BCAS3: variants seen among roughly 807,000 people sequenced by gnomAD.
BCAS3 encodes BCAS4/BCAS3 fusion.
BCAS3 carries 53 observed loss-of-function variants against 116.1 expected under a neutral mutation model. The observed-to-expected ratio is 0.46, with a 90% CI of 0.37 to 0.57. The LOEUF (loss-of-function observed/expected upper bound fraction) is 0.57, where lower values mean the gene tolerates loss of function less well. BCAS3 is among the 20% of genes least tolerant of loss of function. The pLI is 0.00. For missense variants in BCAS3, 917 were observed against 1,165.4 expected (o/e 0.79, Z 3.10); for synonymous variants, 391 against 408.2 (o/e 0.96, Z 0.51).
At chr17:61,163,917 C>T (rs1439398095) in intron 22 of BCAS3, among the ~76,000 whole-genome samples, 1 of 150,630 alleles carries the variant, frequency 6.6e-6, no homozygotes, top group Non-Finnish European at 1.5e-5. Flanking sequence ...TTCTCCTCTG[C>T]CTCTGGGAGG....
intron 7 of BCAS3, among the ~76,000 whole-genome samples, chr17:60,858,035 T>A (rs1487966127): frequency 1.3e-5 from 2 of 152,118 alleles, no homozygotes; most frequent in Non-Finnish European, 2.9e-5. Context: ...GAGCTCCTAA[T>A]TGAAGGCGAC....
chr17:60,764,649 G>A (rs961762610), intron 6 of BCAS3, among the ~76,000 whole-genome samples: 4 of 152,182 alleles, frequency 2.6e-5, no homozygotes, highest in Non-Finnish European at 4.4e-5. Flanking sequence ...GTGCGATGTG[G>A]TGCTGAGAAC....
At position 61,282,040 on chromosome 17, in the gene BCAS3, A is replaced by G. The variant is rs1268731078; in HGVS notation, c.2426-86287A>G. Reference sequence around the variant, plus strand: ...CAGAAGACCTCATTGACAACTAACTATAACACATTCAAACTAGTTACTAGG... The same window carrying G: ...CAGAAGACCTCATTGACAACTAACTGTAACACATTCAAACTAGTTACTAGG... On this transcript the variant is annotated intron_variant, in intron 22 of 23. Transcript: ENST00000407086. This position sits in a 1 kb window ranked among gnomAD's most constrained non-coding sequence, Gnocchi z 5.9. Among the ~76,000 whole-genome samples, 1 of 152,230 alleles carries G rather than the reference A, an allele frequency of 6.6e-6. No individual in the cohort carries two copies. The highest frequency in any genetic ancestry group is 6.5e-5 in the Admixed American group (1 of 15,272).
chr17:61,184,813 C>G (rs1000916755), intron 22 of BCAS3, among the ~76,000 whole-genome samples: 31 of 151,884 alleles, frequency 2.0e-4, no homozygotes, highest in African/African-American at 7.5e-4. Context: ...AAGCATTGTG[C>G]TAAGTGAAAA....
rs75235682 is a variant in BCAS3 at position 61,309,688 on chromosome 17, T to A, written c.2426-58639T>A. ...TCCAGAAGGCACTGTGAGCAAAGCC[T>A]GGAACTGGAGAGATGACCCAGGGTC... is the stretch of plus-strand genomic sequence containing the variant. On this transcript the variant is annotated intron_variant, in intron 22 of 23. Coordinates refer to ENST00000407086, the MANE Select transcript of BCAS3 (RefSeq NM_017679.5). This position sits in a 1 kb window ranked among gnomAD's most constrained non-coding sequence, Gnocchi z 4.6. 2.7e-3 allele frequency among the ~76,000 whole-genome samples: 412 copies of A among 152,296 alleles called. 3 individuals are homozygous for A. Among genetic ancestry groups the A allele is most frequent in the African/African-American group, 9.5e-3 (395 of 41,550 alleles).
chr17:60,714,546 TG>T (rs1432801823), intron 5 of BCAS3, among the ~76,000 whole-genome samples: 1 of 151,916 alleles, frequency 6.6e-6, no homozygotes, highest in Non-Finnish European at 1.5e-5. Context: ...CCAGCTACTT[TG>T]GAGGCTGAGG....
rs145689310 is a variant in BCAS3, at chr17:61,098,940, C to T, written c.2425+14376C>T. Among the ~76,000 whole-genome samples the T allele has an allele frequency of 6.8e-4, 104 of 152,014 alleles. No homozygotes were observed. The East Asian group carries it at 0.014, about 21-fold the overall frequency. Reference sequence around the variant, plus strand: ...GAGATCGAGATCATCCTGGCTAACACGGTGAAACCCCATCTCTACTAAAAA... The same window carrying T: ...GAGATCGAGATCATCCTGGCTAACATGGTGAAACCCCATCTCTACTAAAAA... On this transcript the variant is annotated intron_variant, in intron 22 of 23. Transcript: ENST00000407086. This position sits in a 1 kb window ranked among gnomAD's most constrained non-coding sequence, Gnocchi z 4.2.
At chr17:60,905,098 C>G (rs1249899483) in intron 11 of BCAS3, among the ~76,000 whole-genome samples, 4 of 152,022 alleles carry the variant, frequency 2.6e-5, no homozygotes, top group Non-Finnish European at 5.9e-5. Flanking sequence ...TGCAGAAAAA[C>G]AGCATTATAT....
In BCAS3 at chr17:61,118,039, T is replaced by TTTGTTATGATATCTTG. The variant is rs1297114505; in HGVS notation, c.2425+33476_2425+33491dup. Among the ~76,000 whole-genome samples, 2 of 152,218 alleles carry TTTGTTATGATATCTTG rather than the reference T, an allele frequency of 1.3e-5. No homozygotes were observed. The highest frequency in any genetic ancestry group is 4.8e-5 in the African/African-American group (2 of 41,448). On this transcript the variant is annotated intron_variant, in intron 22 of 23. Coordinates refer to ENST00000407086, the MANE Select transcript of BCAS3 (RefSeq NM_017679.5). The surrounding 1 kb of genome is among the most constrained non-coding windows in gnomAD (Gnocchi z 5.0). ...ATATCTATTGATTGTCTTTTTTTCA[T>TTTGTTATGATATCTTG]TTGTTATGATATCTTGCTGGCTGGA...
chr17:60,892,940 TA>T (rs1193268645), intron 10 of BCAS3, among the ~76,000 whole-genome samples: 1 of 151,860 alleles, frequency 6.6e-6, no homozygotes, highest in Non-Finnish European at 1.5e-5. Context: ...AAAATAAAAA[TA>T]AAAAGTCGTT....
At chr17:60,924,352 C>T (rs1444150738) in intron 12 of BCAS3, 55 bp from the exon 13 acceptor site, 1 of 1,495,338 alleles carries the variant, frequency 6.7e-7, no homozygotes, top group Non-Finnish European at 9.3e-7. Context: ...AGGCTTCAAG[C>T]TCGGTTATCA....
chr17:60,754,198 C>T (rs112366627), intron 6 of BCAS3, among the ~76,000 whole-genome samples: 6,613 of 151,884 alleles, frequency 0.044, 528 homozygotes, highest in African/African-American at 0.15. Context: ...CCATACCTGA[C>T]TTCTTTTTTT....
intron 22 of BCAS3, among the ~76,000 whole-genome samples, chr17:61,271,587 CTCTGTGTGTG>C (rs2050273831): frequency 9.3e-6 from 1 of 107,376 alleles, no homozygotes; most frequent in African/African-American, 3.8e-5. Flanking sequence ...TCACGCCCAG[CTCTGTGTGTG>C]TGTGTGTGTG....
At chr17:60,791,560 G>A (rs1391576953) in intron 6 of BCAS3, among the ~76,000 whole-genome samples, 5 of 151,966 alleles carry the variant, frequency 3.3e-5, no homozygotes, top group African/African-American at 9.7e-5. Context: ...AGGCTGATGA[G>A]GAAGTATCAT....
rs1478207937 is a variant in BCAS3 at position 61,332,720 on chromosome 17, A to C, written c.2426-35607A>C. 1.3e-5 allele frequency among the ~76,000 whole-genome samples: 2 copies of C among 152,098 alleles called. No homozygotes were observed. The highest frequency in any genetic ancestry group is 1.3e-4 in the Admixed American group (2 of 15,272). On this transcript the variant is annotated intron_variant, in intron 22 of 23. Coordinates refer to ENST00000407086, the MANE Select transcript of BCAS3 (RefSeq NM_017679.5). The surrounding 1 kb of genome is among the most constrained non-coding windows in gnomAD (Gnocchi z 5.4). ...AGCCTCCACCTCCCAGGTTCAAGCC[A>C]TTCTCCTGCCTCAGCTTCCTGAATA... is the stretch of plus-strand genomic sequence containing the variant.
At chr17:60,768,391 A>G (rs1371589600) in intron 6 of BCAS3, among the ~76,000 whole-genome samples, 1 of 152,166 alleles carries the variant, frequency 6.6e-6, no homozygotes, top group Non-Finnish European at 1.5e-5. Context: ...GCTAGAATAT[A>G]AAGCAGGCAG....
At chr17:60,984,048 A>G (rs918220287) in intron 14 of BCAS3, among the ~76,000 whole-genome samples, 2 of 152,202 alleles carry the variant, frequency 1.3e-5, no homozygotes, top group African/African-American at 2.4e-5. Context: ...TGGAATAACT[A>G]TTTATCTGAA....
chr17:60,914,475 G>A (rs1233303561), intron 12 of BCAS3, among the ~76,000 whole-genome samples: 1 of 152,090 alleles, frequency 6.6e-6, no homozygotes, highest in East Asian at 1.9e-4. Context: ...AGGGTGTAGG[G>A]TTATAATATA....
chr17:60,866,317 C>T lies in BCAS3; in HGVS notation c.477-2259C>T, dbSNP rs542855666. Among the ~76,000 whole-genome samples, 19 of 151,920 alleles carry T rather than the reference C, an allele frequency of 1.3e-4. No individual in the cohort carries two copies. In the South Asian group the frequency reaches 2.5e-3, roughly 20 times the overall value. On this transcript the variant is annotated intron_variant, in intron 7 of 23. Coordinates refer to ENST00000407086, the MANE Select transcript of BCAS3 (RefSeq NM_017679.5). ...CTAATTTTTGTATTTTTAGTAGAGA[C>T]GGGGTTTCTCCATGTTGGTCAGGCT...
Sources: gnomAD v4.1 joint callset for allele counts (sites outside exome capture counted in the v4.1 genomes callset) on GRCh38, gnomAD v4.1.1 for gene constraint, Gnocchi (gnomAD v3.1) non-coding constraint, MANE v1.5 for transcripts, NCBI Gene and HGNC (gene_info 2026-07-23, HGNC 2026-07-21) for gene names.